Variants in USP24 observed in about 807,000 individuals in gnomAD.
USP24 encodes ubiquitin specific peptidase 24.
USP24 carries 97 observed loss-of-function variants against 361.6 expected under a neutral mutation model. The observed-to-expected ratio is 0.27, with a 90% CI of 0.23 to 0.32. USP24 has a LOEUF of 0.32. USP24 is among the 10% of genes least tolerant of loss of function. The pLI is 1.00. For missense variants in USP24, 2,353 were observed against 3,165.6 expected (o/e 0.74, Z 6.16); for synonymous variants, 1,098 against 1,124.6 (o/e 0.98, Z 0.47).
At chr1:55,117,601 G>A (rs550552342) in intron 38 of USP24, among the ~76,000 whole-genome samples, 4 of 151,912 alleles carry the variant, frequency 2.6e-5, no homozygotes, top group Non-Finnish European at 4.4e-5. Flanking sequence ...GGTGGCGGGC[G>A]CCTGTAGTCC....
In USP24 at chr1:55,093,950, G is replaced by A. The variant is rs376032786; in HGVS notation, c.6341C>T (p.Ala2114Val). ...KKGLFVEKMPARIYQMVRDEN... is the reference protein window; with the variant it reads ...KKGLFVEKMPVRIYQMVRDEN... ...TATGGTTCTTACCTGGTATATTCGA[G>A]CAGGCATTTTCTCCACAAACAGTCC... The change falls in exon 52 of 68, where the codon GCT (alanine) becomes GTT (valine). Residue 2114 changes from alanine to valine, a missense_variant. By Grantham distance (64) the Ala-to-Val change is moderately conservative (BLOSUM62 0). Around this residue, in one of 8 missense-constraint regions of USP24, gnomAD observed 598 missense variants for 761.9 expected, o/e 0.78. Transcript: ENST00000294383. The A allele has an allele frequency of 1.2e-6, 2 of 1,613,458 alleles. No homozygotes were observed. The highest frequency in any genetic ancestry group is 1.7e-6 in the Non-Finnish European group (2 of 1,179,830).
intron 16 of USP24, among the ~76,000 whole-genome samples, chr1:55,150,603 TATC>T (rs1314960149): frequency 1.3e-4 from 20 of 152,166 alleles, no homozygotes; most frequent in African/African-American, 4.6e-4. Flanking sequence ...TATTAAAAAG[TATC>T]ATGATGGCCA....
intron 16 of USP24, 132 bp from the exon 17 acceptor site, chr1:55,148,702 T>C (rs1647108789): frequency 3.1e-6 from 2 of 641,508 alleles, no homozygotes; most frequent in Admixed American, 6.2e-5. Context: ...ATATTGACCA[T>C]TTAGAGCTTA....
intron 2 of USP24, among the ~76,000 whole-genome samples, chr1:55,177,108 C>CAAAAAAAAAAAAAA (rs1650065387): frequency 7.1e-6 from 1 of 140,692 alleles, no homozygotes; most frequent in African/African-American, 2.7e-5. Flanking sequence ...AAAAAAAAAA[C>CAAAAAAAAAAAAAA]AACAAAAACA....
rs778241206 is a variant in USP24 at position 55,123,522 on chromosome 1, T to C, written c.4201A>G (p.Thr1401Ala). Reference protein sequence around the residue: ...GICVRQQSVSTKDSLIAGEAL... With the variant: ...GICVRQQSVSAKDSLIAGEAL... ...TCTCCCGCAATCAGCGAGTCTTTGG[T>C]GGATACAGACTGTTGTCGAACACAG... The change falls in exon 36 of 68, where the codon ACC (threonine) becomes GCC (alanine). Residue 1401 changes from threonine to alanine, a missense_variant. Physicochemically the swap from Thr to Ala is moderately conservative, Grantham distance 58. Transcript: ENST00000294383. 7.5e-6 allele frequency: 12 copies of C among 1,604,166 alleles called. No homozygotes were observed. The South Asian group carries it at 7.9e-5, about 11-fold the overall frequency.
At chr1:55,195,960 T>C (rs983617157) in intron 1 of USP24, among the ~76,000 whole-genome samples, 19 of 151,892 alleles carry the variant, frequency 1.3e-4, no homozygotes, top group African/African-American at 4.4e-4. Flanking sequence ...TTTACCAGAG[T>C]TAAGAAAAAA....
intron 23 of USP24, among the ~76,000 whole-genome samples, 157 bp from the exon 24 acceptor site, chr1:55,141,888 T>C (rs375167164): frequency 3.9e-5 from 6 of 152,144 alleles, no homozygotes; most frequent in African/African-American, 9.7e-5. Flanking sequence ...TAGGGACCAG[T>C]AGGATGCTTC....
Position 55,215,176 on chromosome 1 carries a change from GGCCGCGCGGC to G in USP24, c.-73_-64del, listed in dbSNP as rs1250767722. On this transcript the variant is annotated 5_prime_UTR_variant, in exon 1 of 68. Transcript: ENST00000294383. ...GAAGCTACGGGTCCCGGGCCTGGCG[GGCCGCGCGGC>G]GCACCCTCCGCGCCGCCTCCGCGCC... 16 of 1,190,008 alleles carry G rather than the reference GGCCGCGCGGC, an allele frequency of 1.3e-5. No individual in the cohort carries two copies. Among genetic ancestry groups the G allele is most frequent in the Non-Finnish European group, 1.7e-5 (16 of 957,672 alleles). The allele number at this position is 1,190,008 out of a possible 1,614,324, so 73.7% of individuals were successfully genotyped here. A position where few individuals can be genotyped will look rare whatever the true frequency, so the allele number is the denominator to read the frequency against.
At chr1:55,115,428 G>A (rs1301466837) in intron 38 of USP24, among the ~76,000 whole-genome samples, 15 of 134,966 alleles carry the variant, frequency 1.1e-4, no homozygotes, top group Non-Finnish European at 1.6e-4. Flanking sequence ...CCTGGGAGGC[G>A]GAGCTTGCAG....
chr1:55,171,194 T>C (rs1479998815), intron 5 of USP24, among the ~76,000 whole-genome samples: 2 of 152,192 alleles, frequency 1.3e-5, no homozygotes, highest in African/African-American at 2.4e-5. Flanking sequence ...GATTAAGTAC[T>C]AGATTATTTT....
chr1:55,165,292 A>G (rs534806414), intron 7 of USP24, among the ~76,000 whole-genome samples: 25 of 152,238 alleles, frequency 1.6e-4, no homozygotes, highest in African/African-American at 5.5e-4. Context: ...TTAATTAGAG[A>G]AAAGAATGAA....
Position 55,123,385 on chromosome 1 carries a change from T to C in USP24, c.4276+62A>G, listed in dbSNP as rs923577209. ...CTTATCTAGGAAGAAATGTAAAGAA[T>C]TCCCAACAGAAACTTGGCCTTTCCC... On this transcript the variant is annotated intron_variant, in intron 36 of 67. Transcript: ENST00000294383. The C allele has an allele frequency of 2.8e-6, 4 of 1,441,922 alleles. No individual in the cohort carries two copies. In the South Asian group the frequency reaches 6.4e-5, roughly 23 times the overall value. 89.3% of individuals were successfully genotyped at this position (1,441,922 alleles called of 1,614,324 possible).
chr1:55,154,196 T>C lies in USP24; in HGVS notation c.1735A>G (p.Ile579Val). 1 of 1,613,612 alleles carries C rather than the reference T, an allele frequency of 6.2e-7. No homozygotes were observed. The highest frequency in any genetic ancestry group is 8.5e-7 in the Non-Finnish European group (1 of 1,179,702). Reference protein sequence around the residue: ...IQQALEEHLTILSDAYAVKEA... With the variant: ...IQQALEEHLTVLSDAYAVKEA... ...TTCACTGCATATGCATCACTAAGGA[T>C]TGTCAGGTGCTCCTCCAAGGCCTGC... is the stretch of plus-strand genomic sequence containing the variant. Residue 579 changes from isoleucine to valine, a missense_variant, in exon 15 of 68, where the codon ATC becomes GTC. Around this residue, in one of 8 missense-constraint regions of USP24, gnomAD observed 386 missense variants for 560.5 expected, o/e 0.69. Transcript: ENST00000294383.
In USP24 at chr1:55,073,899, C is replaced by T. The variant is rs775674913; in HGVS notation, c.7455G>A (p.Met2485Ile). The part of the protein sequence containing the change: ...FETENGLLAL[M>I]HHSNHVDSSR... Reference sequence around the variant, plus strand: ...TACTGTCCACATGATTACTGTGGTGCATCAAAGCTGAGGGAAGAGAAAAGG... The same window carrying T: ...TACTGTCCACATGATTACTGTGGTGTATCAAAGCTGAGGGAAGAGAAAAGG... The change falls in exon 64 of 68, where the codon ATG (methionine) becomes ATA (isoleucine). Residue 2485 changes from methionine to isoleucine, a missense_variant. Transcript: ENST00000294383. 5.5e-5 allele frequency: 87 copies of T among 1,573,308 alleles called. No individual in the cohort carries two copies. Among genetic ancestry groups the T allele is most frequent in the Middle Eastern group, 5.0e-4 (3 of 6,028 alleles).
chr1:55,103,083 C>T (rs1220095488), intron 42 of USP24, among the ~76,000 whole-genome samples: 1 of 152,212 alleles, frequency 6.6e-6, no homozygotes, highest in Non-Finnish European at 1.5e-5. Flanking sequence ...AAAGCATCTT[C>T]CCATTTCTAG....
At chr1:55,084,326 T>A (rs1055851514) in intron 56 of USP24, 1 of 156,814 alleles carries the variant, frequency 6.4e-6, no homozygotes, top group African/African-American at 2.4e-5. Context: ...ACCAAGCCGA[T>A]GGAGCAAATG....
intron 1 of USP24, among the ~76,000 whole-genome samples, chr1:55,199,925 G>A (rs1644525892): frequency 6.6e-6 from 1 of 152,182 alleles, no homozygotes; most frequent in African/African-American, 2.4e-5. Flanking sequence ...GCAAGGAGGA[G>A]CAAGTCACGT....
At chr1:55,081,589 A>T (rs1025054433) in intron 58 of USP24, among the ~76,000 whole-genome samples, 165 bp from the exon 59 acceptor site, 3 of 152,236 alleles carry the variant, frequency 2.0e-5, no homozygotes, top group African/African-American at 7.2e-5. Context: ...AAGCCAGCTC[A>T]AAGGGTTATA....
intron 48 of USP24, 81 bp from the exon 49 acceptor site, chr1:55,097,253 A>G (rs1645516629): frequency 1.4e-6 from 2 of 1,457,870 alleles, no homozygotes; most frequent in Non-Finnish European, 1.9e-6. Context: ...TCCAAATAAG[A>G]GGAAGTGTTT....
Sources: gnomAD v4.1 joint callset for allele counts (sites outside exome capture counted in the v4.1 genomes callset) on GRCh38, gnomAD v4.1.1 for gene constraint, gnomAD v4.1.1 regional missense constraint, MANE v1.5 for transcripts, NCBI Gene and HGNC (gene_info 2026-07-23, HGNC 2026-07-21) for gene names.